The following KCNK12 variants were observed in gnomAD, a reference collection of about 807,000 sequenced individuals.
KCNK12 encodes potassium channel subfamily K member 12.
A neutral mutation model predicts 25.3 loss-of-function variants in KCNK12; 6 were observed. That is an observed-to-expected ratio of 0.24 (90% CI 0.13 to 0.47). The LOEUF is 0.47. Among genes scored for constraint, KCNK12 ranks in the 20% least tolerant of loss-of-function variants. The pLI, the probability that KCNK12 is intolerant of heterozygous loss-of-function variation, is 0.99. For synonymous variants in KCNK12, 331 were observed against 311.1 expected, an observed-to-expected ratio of 1.06 and a Z score of -0.67; for missense variants, 444 against 661.7, an observed-to-expected ratio of 0.67 and a Z score of 3.61.
At chr2:47,522,413 A>T (rs1668678819) in intron 1 of KCNK12, among the ~76,000 whole-genome samples, 1 of 152,242 alleles carries the variant, frequency 6.6e-6, no homozygotes, top group African/African-American at 2.4e-5. Context: ...GAAAAAAGCC[A>T]AGTAATCTTA....
intron 1 of KCNK12, among the ~76,000 whole-genome samples, chr2:47,539,156 C>T (rs1005949895): frequency 3.9e-4 from 59 of 152,282 alleles, no homozygotes; most frequent in African/African-American, 1.3e-3. Context: ...ATTTTGTAGA[C>T]AGGGAAACTG....
chr2:47,561,896 A>G (rs112414185), intron 1 of KCNK12, among the ~76,000 whole-genome samples: 2,504 of 152,312 alleles, frequency 0.016, 47 homozygotes, highest in African/African-American at 0.037. Context: ...ATATGAGCCA[A>G]TAGTCTTCCC....
chr2:47,568,080 A>C (rs1002740539), intron 1 of KCNK12, among the ~76,000 whole-genome samples: 2 of 152,192 alleles, frequency 1.3e-5, no homozygotes, highest in African/African-American at 4.8e-5. Context: ...CCAAAAAGGA[A>C]AGGGACACTG....
chr2:47,553,929 T>G (rs993055300), intron 1 of KCNK12, among the ~76,000 whole-genome samples: 12 of 152,208 alleles, frequency 7.9e-5, no homozygotes, highest in African/African-American at 2.9e-4. Flanking sequence ...GTCAGAGAAC[T>G]CAGCTCAGGG....
At position 47,566,003 on chromosome 2, in the gene KCNK12, A is replaced by G. The variant is rs1396934280; in HGVS notation, c.391+3938T>C. ...TTTCAACCCCCAGGGAATATGTCAC[A>G]TAGCATAAATGGGAGAAATAATAAT... On this transcript the variant is annotated intron_variant, in intron 1 of 1. Transcript: ENST00000327876. The surrounding 1 kb of genome is among the most constrained non-coding windows in gnomAD (Gnocchi z 4.1). 6.6e-6 allele frequency: 1 copy of G among 152,250 alleles called. No homozygotes were observed. The highest frequency in any genetic ancestry group is 2.4e-5 in the African/African-American group (1 of 41,470). 9.4% of individuals were successfully genotyped at this position (152,250 alleles called of 1,614,324 possible).
chr2:47,532,054 A>T (rs570693336), intron 1 of KCNK12, among the ~76,000 whole-genome samples: 20 of 152,108 alleles, frequency 1.3e-4, no homozygotes, highest in African/African-American at 4.6e-4. Flanking sequence ...CTCAAAAAAA[A>T]CCCCCAAAAA....
chr2:47,561,799 T>G (rs1408925731), intron 1 of KCNK12, among the ~76,000 whole-genome samples: 2 of 152,164 alleles, frequency 1.3e-5, no homozygotes, highest in African/African-American at 4.8e-5. Context: ...TTTGAATACT[T>G]AAGAATTAGG....
intron 1 of KCNK12, among the ~76,000 whole-genome samples, chr2:47,568,045 G>A (rs1669817835): frequency 6.6e-6 from 1 of 152,120 alleles, no homozygotes; most frequent in Non-Finnish European, 1.5e-5. Context: ...ATTGGAATGG[G>A]GCCTTATTTG....
rs1668761501 is a variant in KCNK12 at position 47,525,965 on chromosome 2, C to T, written c.392-4157G>A. ...CCCCCATGCCCCATCCACTGCGGGT[C>T]CCCTGAGCCATGTGTCAGCCCAGAG... On this transcript the variant is annotated intron_variant, in intron 1 of 1. Transcript: ENST00000327876. This position sits in a 1 kb window ranked among gnomAD's most constrained non-coding sequence, Gnocchi z 4.1. Among the ~76,000 whole-genome samples the T allele has an allele frequency of 1.3e-5, 2 of 152,206 alleles. No individual in the cohort carries two copies. The highest frequency in any genetic ancestry group is 2.9e-5 in the Non-Finnish European group (2 of 68,036).
At position 47,525,115 on chromosome 2, in the gene KCNK12, T is replaced by C. The variant is rs1273398177; in HGVS notation, c.392-3307A>G. On this transcript the variant is annotated intron_variant, in intron 1 of 1. Coordinates refer to ENST00000327876, the MANE Select transcript of KCNK12 (RefSeq NM_022055.2). The surrounding 1 kb of genome is among the most constrained non-coding windows in gnomAD (Gnocchi z 4.1). ...ACAGTATGTGTACATTTCTCCCCAT[T>C]CTAAAGAGAAGTTCCAGACACATCC... Among the ~76,000 whole-genome samples the C allele has an allele frequency of 6.6e-6, 1 of 152,228 alleles. No individual in the cohort carries two copies. The highest frequency in any genetic ancestry group is 6.5e-5 in the Admixed American group (1 of 15,286).
In KCNK12 at chr2:47,521,001, A is replaced by G; in HGVS notation, c.1199T>C (p.Val400Ala). 1 of 1,370,800 alleles carries G rather than the reference A, an allele frequency of 7.3e-7. No homozygotes were observed. The highest frequency in any genetic ancestry group is 9.4e-7 in the Non-Finnish European group (1 of 1,058,450). The allele number at this position is 1,370,800 out of a possible 1,614,324, so 84.9% of individuals were successfully genotyped here. ...GCCGTTCTGGCGCGTGTTGACGCAC[A>G]CGCTGCGCGGGTAGCCGTTGGCCGT... ...SETANGYPRS[V>A]CVNTRQNGFS... The change falls in exon 2 of 2, where the codon GTG becomes GCG. Residue 400 changes from valine to alanine, a missense_variant. Val to Ala is a moderately conservative substitution (Grantham distance 64). This residue lies in a region of KCNK12 where 57 missense variants were observed against 68.9 expected (regional missense o/e 0.83). Coordinates refer to ENST00000327876, the MANE Select transcript of KCNK12 (RefSeq NM_022055.2).
rs373798792 is a variant in KCNK12, at chr2:47,533,772, A to G, written c.392-11964T>C. On this transcript the variant is annotated intron_variant, in intron 1 of 1. Coordinates refer to ENST00000327876, the MANE Select transcript of KCNK12 (RefSeq NM_022055.2). The surrounding 1 kb of genome is among the most constrained non-coding windows in gnomAD (Gnocchi z 4.7). ...AAAAGCTGAGACCGTGGGCTGCTCTATTTGTTGGCGCTTGCTGGTTTGTCT... is the reference window on the plus strand; with the variant it reads ...AAAAGCTGAGACCGTGGGCTGCTCTGTTTGTTGGCGCTTGCTGGTTTGTCT... Among the ~76,000 whole-genome samples, 4 of 152,066 alleles carry G rather than the reference A, an allele frequency of 2.6e-5. No individual in the cohort carries two copies. Among genetic ancestry groups the G allele is most frequent in the East Asian group, 1.9e-4 (1 of 5,188 alleles).
chr2:47,521,873 GGGGGGTGT>G, intron 1 of KCNK12, 65 bp from the exon 2 acceptor site: 1 of 1,275,388 alleles, frequency 7.8e-7, no homozygotes, highest in Non-Finnish European at 1.0e-6. Context: ...GGGCGAGGGT[GGGGGGTGT>G]GGGGGCGGGG....
chr2:47,550,118 T>C (rs955151417), intron 1 of KCNK12, among the ~76,000 whole-genome samples: 8 of 152,074 alleles, frequency 5.3e-5, no homozygotes, highest in African/African-American at 1.9e-4. Flanking sequence ...ACAATGTAAA[T>C]TAAGACTAAC....
At chr2:47,554,909 T>G (rs1365264479) in intron 1 of KCNK12, among the ~76,000 whole-genome samples, 6 of 151,568 alleles carry the variant, frequency 4.0e-5, no homozygotes, top group Admixed American at 3.9e-4. Flanking sequence ...CTGACAAGAG[T>G]TGATGATGAA....
At chr2:47,554,305 C>T (rs566505097) in intron 1 of KCNK12, among the ~76,000 whole-genome samples, 15 of 152,218 alleles carry the variant, frequency 9.9e-5, no homozygotes, top group Admixed American at 6.5e-4. Context: ...TTTCCAAAAA[C>T]GGTACATGTT....
rs1286125434 is a variant in KCNK12 at position 47,512,305 on chromosome 2, C to T, written c.*8602G>A. 3 of 1,612,582 alleles carry T rather than the reference C, an allele frequency of 1.9e-6. No individual in the cohort carries two copies. The highest frequency in any genetic ancestry group is 1.7e-5 in the Admixed American group (1 of 59,968). ...TCCTCTCTTCTCCTTCCTTTCAGAA[C>T]CTCAGAGTGACAGAGCCAAAAGACC... On this transcript the variant is annotated 3_prime_UTR_variant, in exon 2 of 2. Transcript: ENST00000327876.
rs1197759205 is a variant in KCNK12 at position 47,515,271 on chromosome 2, A to C, written c.*5636T>G. On this transcript the variant is annotated 3_prime_UTR_variant, in exon 2 of 2. Transcript: ENST00000327876. ...AACACTGTAAGCCAGTGTTTCTCAG[A>C]TTGCTGGGTGTAATTCATAGGCAGA... Among the ~76,000 whole-genome samples, 1 of 152,188 alleles carries C rather than the reference A, an allele frequency of 6.6e-6. No individual in the cohort carries two copies. Among genetic ancestry groups the C allele is most frequent in the Non-Finnish European group, 1.5e-5 (1 of 68,020 alleles).
intron 1 of KCNK12, chr2:47,563,978 T>A (rs942254817): frequency 4.3e-6 from 1 of 231,404 alleles, no homozygotes; most frequent in African/African-American, 2.2e-5. Context: ...GTACCTTTCT[T>A]GTCTCAGTTT....
Sources: gnomAD v4.1 joint callset for allele counts (sites outside exome capture counted in the v4.1 genomes callset) on GRCh38, gnomAD v4.1.1 for gene constraint, gnomAD v4.1.1 regional missense constraint, Gnocchi (gnomAD v3.1) non-coding constraint, MANE v1.5 for transcripts, NCBI Gene and HGNC (gene_info 2026-07-23, HGNC 2026-07-21) for gene names.